DTWD2: variants seen among roughly 807,000 people sequenced by gnomAD.
DTWD2 encodes DTW motif tRNA-uridine aminocarboxypropyltransferase 2, also known as tRNA-uridine aminocarboxypropyltransferase 2.
DTWD2 carries 39 observed loss-of-function variants against 31.8 expected under a neutral mutation model. That is an observed-to-expected ratio of 1.22 (90% CI 0.95 to 1.60). DTWD2 has a LOEUF of 1.60. Among genes scored for constraint, DTWD2 ranks in the 40% most tolerant of loss-of-function variants. The probability of loss-of-function intolerance (pLI) is 0.00; values close to 1 mark genes in which losing one functional copy is unlikely to be tolerated. For missense variants in DTWD2, 515 were observed against 381.5 expected, an observed-to-expected ratio of 1.35 and a Z score of -2.92; for synonymous variants, 180 against 142.8, an observed-to-expected ratio of 1.26 and a Z score of -1.86.
intron 4 of DTWD2, among the ~76,000 whole-genome samples, chr5:118,911,262 T>G (rs1241271217): frequency 6.6e-6 from 1 of 152,234 alleles, no homozygotes; most frequent in Non-Finnish European, 1.5e-5. Context: ...TCAACAGGTA[T>G]ATAATCTCTA....
At chr5:118,883,763 C>T (rs1752795315) in intron 4 of DTWD2, among the ~76,000 whole-genome samples, 1 of 152,122 alleles carries the variant, frequency 6.6e-6, no homozygotes, top group Admixed American at 6.5e-5. Flanking sequence ...CAGGTCCCTC[C>T]CTCAACATAT....
rs757191919 is a variant in DTWD2 at position 118,939,163 on chromosome 5, G to T, written c.404+33C>A. On this transcript the variant is annotated intron_variant, in intron 3 of 5. Coordinates refer to ENST00000510708, the MANE Select transcript of DTWD2 (RefSeq NM_173666.4). Reference sequence around the variant, plus strand: ...CATTTTTTAAGATCTGTGTAGAAAAGAATTATTTACATTGCCCTAACAGTT... The same window carrying T: ...CATTTTTTAAGATCTGTGTAGAAAATAATTATTTACATTGCCCTAACAGTT... The T allele has an allele frequency of 1.7e-5, 26 of 1,570,622 alleles. No individual in the cohort carries two copies. In the Admixed American group the frequency reaches 4.5e-4, roughly 27 times the overall value.
chr5:118,977,781 C>T (rs1185285030), intron 1 of DTWD2, among the ~76,000 whole-genome samples: 1 of 152,122 alleles, frequency 6.6e-6, no homozygotes, highest in African/African-American at 2.4e-5. Context: ...AGATTCAATG[C>T]TATTCCAATT....
chr5:118,974,456 A>C (rs1162357625), intron 1 of DTWD2: 2 of 476,124 alleles, frequency 4.2e-6, no homozygotes, highest in African/African-American at 4.1e-5. Context: ...ATGATCTCCG[A>C]TGACCAAACC....
At chr5:118,967,727 C>G (rs1174090995) in intron 1 of DTWD2, among the ~76,000 whole-genome samples, 1 of 152,118 alleles carries the variant, frequency 6.6e-6, no homozygotes, top group Non-Finnish European at 1.5e-5. Context: ...GAAAAAGACA[C>G]AGCTCTTCCA....
chr5:118,910,332 C>T (rs552221554), intron 4 of DTWD2, among the ~76,000 whole-genome samples: 1 of 152,326 alleles, frequency 6.6e-6, no homozygotes, highest in Non-Finnish European at 1.5e-5. Flanking sequence ...TTCCACAAAT[C>T]ACTAGGACAC....
At chr5:118,942,308 A>G (rs1348697370) in intron 2 of DTWD2, among the ~76,000 whole-genome samples, 1 of 152,172 alleles carries the variant, frequency 6.6e-6, no homozygotes, top group East Asian at 1.9e-4. Context: ...CATGGGTTTG[A>G]GACCTGCCTG....
intron 1 of DTWD2, among the ~76,000 whole-genome samples, chr5:118,979,634 T>C (rs917905083): frequency 5.6e-4 from 86 of 152,340 alleles, no homozygotes; most frequent in African/African-American, 1.7e-3. Flanking sequence ...AGACTGGATA[T>C]AGAAAATGTG....
At chr5:118,922,362 T>C (rs912277668) in intron 4 of DTWD2, among the ~76,000 whole-genome samples, 1 of 152,202 alleles carries the variant, frequency 6.6e-6, no homozygotes, top group Admixed American at 6.5e-5. Context: ...TTGTTTCCTT[T>C]CTGCCATTTT....
intron 4 of DTWD2, among the ~76,000 whole-genome samples, chr5:118,911,852 G>A (rs948130390): frequency 2.6e-5 from 4 of 152,158 alleles, no homozygotes; most frequent in Non-Finnish European, 5.9e-5. Context: ...GTGGCAAGAT[G>A]GCCATCAGCA....
At chr5:118,939,723 C>T (rs1261128426) in intron 2 of DTWD2, among the ~76,000 whole-genome samples, 1 of 152,024 alleles carries the variant, frequency 6.6e-6, no homozygotes, top group Non-Finnish European at 1.5e-5. Context: ...TCGGTTCTTC[C>T]CAGCATAGCC....
At chr5:118,982,227 A>C (rs1755317914) in intron 1 of DTWD2, among the ~76,000 whole-genome samples, 1 of 152,216 alleles carries the variant, frequency 6.6e-6, no homozygotes, top group Admixed American at 6.5e-5. Flanking sequence ...TAATTTTGGG[A>C]AAATGAACTC....
chr5:118,887,434 C>G (rs77421313), intron 4 of DTWD2, among the ~76,000 whole-genome samples: 3,525 of 146,678 alleles, frequency 0.024, 51 homozygotes, highest in Non-Finnish European at 0.027. Flanking sequence ...TGTACATGTC[C>G]AAATGTAAAG....
intron 4 of DTWD2, among the ~76,000 whole-genome samples, chr5:118,895,648 T>A (rs1197401356): frequency 2.0e-5 from 3 of 152,130 alleles, no homozygotes; most frequent in African/African-American, 7.2e-5. Context: ...AGTATGGCAC[T>A]AGCATAAAAG....
intron 1 of DTWD2, among the ~76,000 whole-genome samples, chr5:118,969,168 C>T (rs1754923733): frequency 6.6e-6 from 1 of 151,118 alleles, no homozygotes; most frequent in African/African-American, 2.4e-5. Flanking sequence ...TGATCACTCC[C>T]TGGGACTGAG....
intron 4 of DTWD2, among the ~76,000 whole-genome samples, chr5:118,906,373 C>T (rs191223922): frequency 2.6e-5 from 4 of 152,250 alleles, no homozygotes; most frequent in South Asian, 2.1e-4. Flanking sequence ...AGAAAGCATG[C>T]GTCCACACAA....
rs1474557368 is a variant in DTWD2, at chr5:118,851,693, G to A, written c.598-3475C>T. On this transcript the variant is annotated intron_variant, in intron 4 of 5. Transcript: ENST00000510708. ...ATCACACACCGGGGCCTGTTGTGGGGTGGGGGGAGGGGGGAGGGATAGCAT... is the reference window on the plus strand; with the variant it reads ...ATCACACACCGGGGCCTGTTGTGGGATGGGGGGAGGGGGGAGGGATAGCAT... 2.5e-5 allele frequency among the ~76,000 whole-genome samples: 3 copies of A among 118,486 alleles called. No individual in the cohort carries two copies. The South Asian group carries it at 9.8e-4, about 39-fold the overall frequency. The allele number at this position is 118,486 out of a possible 152,430, so 77.7% of individuals were successfully genotyped here.
chr5:118,895,160 A>C (rs1487501273), intron 4 of DTWD2, among the ~76,000 whole-genome samples: 1 of 152,210 alleles, frequency 6.6e-6, no homozygotes, highest in African/African-American at 2.4e-5. Flanking sequence ...CATTAAGTAA[A>C]GTTGCAAGAT....
intron 1 of DTWD2, among the ~76,000 whole-genome samples, chr5:118,952,978 C>T (rs192350440): frequency 6.6e-6 from 1 of 152,302 alleles, no homozygotes; most frequent in East Asian, 1.9e-4. Context: ...TCACATCTTC[C>T]TCTCACTTCT....
Sources: gnomAD v4.1 joint callset for allele counts (sites outside exome capture counted in the v4.1 genomes callset) on GRCh38, gnomAD v4.1.1 for gene constraint, MANE v1.5 for transcripts, NCBI Gene and HGNC (gene_info 2026-07-23, HGNC 2026-07-21) for gene names.